Variants in GRM7 observed in about 807,000 individuals in gnomAD.
The protein encoded by GRM7 is glutamate metabotropic receptor 7, also known as metabotropic glutamate receptor 7.
A neutral mutation model predicts 84.5 loss-of-function variants in GRM7; 35 were observed. The ratio of observed to expected loss-of-function variants is 0.41; its 90% confidence interval spans 0.32 to 0.55. The LOEUF (loss-of-function observed/expected upper bound fraction) is 0.55. GRM7 is among the 20% of genes least tolerant of loss of function. GRM7 has a pLI of 0.19. For synonymous variants in GRM7, 487 were observed against 455.1 expected (o/e 1.07, Z -0.89); for missense variants, 1,003 against 1,194.6 (o/e 0.84, Z 2.36).
intron 1 of GRM7, among the ~76,000 whole-genome samples, chr3:6,977,906 A>T (rs542213677): frequency 6.6e-6 from 1 of 152,282 alleles, no homozygotes; most frequent in Non-Finnish European, 1.5e-5. Context: ...CTGGGAAAAT[A>T]AAATTCTGTT....
chr3:7,474,635 G>GT lies in GRM7; in HGVS notation c.1515+12921dup, dbSNP rs551879448. Among the ~76,000 whole-genome samples, 12 of 152,008 alleles carry GT rather than the reference G, an allele frequency of 7.9e-5. No homozygotes were observed. The South Asian group carries it at 2.3e-3, about 29-fold the overall frequency. On this transcript the variant is annotated intron_variant, in intron 7 of 9. Coordinates refer to ENST00000357716, the MANE Select transcript of GRM7 (RefSeq NM_000844.4). ...TGCTAAGCACAAAAGTGGTATCAGA[G>GT]TTTTTTTTAAGCTAAATCTTAAACT...
intron 5 of GRM7, among the ~76,000 whole-genome samples, chr3:7,424,814 T>C (rs977115383): frequency 7.2e-5 from 11 of 152,024 alleles, no homozygotes; most frequent in Non-Finnish European, 1.2e-4. Context: ...TAATTACAAG[T>C]TGTGATTAGT....
At chr3:7,380,895 T>C (rs149267292) in intron 4 of GRM7, among the ~76,000 whole-genome samples, 42 of 152,310 alleles carry the variant, frequency 2.8e-4, no homozygotes, top group African/African-American at 9.9e-4. Context: ...AACTGGTGTT[T>C]TTCATTGTAA....
chr3:6,980,220 A>G (rs182315968), intron 1 of GRM7, among the ~76,000 whole-genome samples: 2 of 152,290 alleles, frequency 1.3e-5, no homozygotes, highest in African/African-American at 4.8e-5. Context: ...TACCTGAATA[A>G]TCAGAGCATA....
intron 1 of GRM7, among the ~76,000 whole-genome samples, chr3:7,004,106 A>T (rs953300356): frequency 4.6e-5 from 7 of 152,204 alleles, no homozygotes; most frequent in Non-Finnish European, 1.0e-4. Flanking sequence ...CAGAAGCTGC[A>T]TGGTCTTTAA....
intron 8 of GRM7, among the ~76,000 whole-genome samples, chr3:7,669,655 G>C (rs912490238): frequency 6.6e-6 from 1 of 152,180 alleles, no homozygotes; most frequent in African/African-American, 2.4e-5. Flanking sequence ...GAAGCCTGAC[G>C]ACAGGCCCTA....
rs747773579 is a variant in GRM7, at chr3:7,579,325, A to AT, written c.2427dup (p.Gly810TrpfsTer44). On this transcript the variant is annotated frameshift_variant, in exon 8 of 10. Transcript: ENST00000357716. LOFTEE classifies it high-confidence loss of function. ...TATAGTATGGCTTGCCTTCATTCCA[A>AT]TTTTTTTTGGCACCGCTCAATCAGC... 60 of 1,558,968 alleles carry AT rather than the reference A, an allele frequency of 3.8e-5. No homozygotes were observed. Among genetic ancestry groups the AT allele is most frequent in the South Asian group, 1.2e-4 (10 of 83,580 alleles).
intron 7 of GRM7, among the ~76,000 whole-genome samples, chr3:7,506,952 C>T (rs973212459): frequency 6.6e-6 from 1 of 152,164 alleles, no homozygotes; most frequent in African/African-American, 2.4e-5. Flanking sequence ...TACCATAGCT[C>T]TCACACCTAC....
At chr3:6,985,514 C>A (rs928015376) in intron 1 of GRM7, among the ~76,000 whole-genome samples, 1 of 152,138 alleles carries the variant, frequency 6.6e-6, no homozygotes, top group Non-Finnish European at 1.5e-5. Flanking sequence ...GCCACTTTCA[C>A]AAATATGTTG....
intron 2 of GRM7, among the ~76,000 whole-genome samples, chr3:7,268,772 G>T (rs940363913): frequency 2.0e-5 from 3 of 152,184 alleles, no homozygotes; most frequent in African/African-American, 7.2e-5. Flanking sequence ...TGGGGATTTG[G>T]TAATCTCTGT....
intron 8 of GRM7, among the ~76,000 whole-genome samples, chr3:7,673,903 T>C (rs1253890291): frequency 6.6e-6 from 1 of 152,112 alleles, no homozygotes; most frequent in East Asian, 1.9e-4. Context: ...TCAGGATGAA[T>C]TTGCAGTTTC....
intron 2 of GRM7, among the ~76,000 whole-genome samples, chr3:7,153,133 A>ATTTTTTTT (rs34465661): frequency 1.9e-5 from 2 of 103,364 alleles, no homozygotes; most frequent in African/African-American, 3.8e-5. Flanking sequence ...GGTACTGTGG[A>ATTTTTTTT]TTTTTTTTTT....
intron 1 of GRM7, among the ~76,000 whole-genome samples, chr3:7,083,903 C>T (rs568168242): frequency 6.6e-6 from 1 of 152,128 alleles, no homozygotes; most frequent in South Asian, 2.1e-4. Context: ...ACACCAGCAA[C>T]CTGAGTGGCA....
intron 7 of GRM7, among the ~76,000 whole-genome samples, chr3:7,563,875 G>A (rs1259865541): frequency 2.0e-5 from 3 of 152,192 alleles, no homozygotes; most frequent in Non-Finnish European, 4.4e-5. Context: ...GCTGTTTTTA[G>A]GTAGAGATGA....
intron 1 of GRM7, among the ~76,000 whole-genome samples, chr3:6,940,305 T>A (rs1697843429): frequency 6.6e-6 from 1 of 152,156 alleles, no homozygotes; most frequent in Non-Finnish European, 1.5e-5. Context: ...TTGGCCAGGA[T>A]GGTCTCGATC....
intron 5 of GRM7, among the ~76,000 whole-genome samples, chr3:7,446,609 A>G (rs1697525096): frequency 6.6e-6 from 1 of 151,056 alleles, no homozygotes; most frequent in Non-Finnish European, 1.5e-5. Flanking sequence ...TTTCAGGCAC[A>G]CGCCACAGCC....
At chr3:7,222,187 CAA>C (rs1282853051) in intron 2 of GRM7, among the ~76,000 whole-genome samples, 4 of 152,070 alleles carry the variant, frequency 2.6e-5, no homozygotes, top group African/African-American at 9.7e-5. Flanking sequence ...AACAAAATGA[CAA>C]TATGTCTGAA....
At position 7,479,830 on chromosome 3, in the gene GRM7, A is replaced by G. The variant is rs3792474; in HGVS notation, c.1515+18108A>G. Reference sequence around the variant, plus strand: ...TCTGTAGTTCACAGTCATAACTGCTATGCATGCTGACTCTCCATCTGTAAC... The same window carrying G: ...TCTGTAGTTCACAGTCATAACTGCTGTGCATGCTGACTCTCCATCTGTAAC... On this transcript the variant is annotated intron_variant, in intron 7 of 9. Transcript: ENST00000357716. Among the ~76,000 whole-genome samples the G allele has an allele frequency of 1.7e-4, 26 of 152,282 alleles. No individual in the cohort carries two copies. In the East Asian group the frequency reaches 4.3e-3, roughly 25 times the overall value.
intron 4 of GRM7, among the ~76,000 whole-genome samples, chr3:7,331,875 G>T (rs539161327): frequency 2.6e-5 from 4 of 152,178 alleles, no homozygotes; most frequent in Middle Eastern, 3.4e-3. Context: ...TTTTTTAAAG[G>T]TTCCCATGCA....
Sources: allele counts gnomAD v4.1 joint callset (sites outside exome capture counted in the v4.1 genomes callset), GRCh38; gene constraint gnomAD v4.1.1; transcripts MANE v1.5; gene names NCBI Gene and HGNC (gene_info 2026-07-23, HGNC 2026-07-21).